KANK1: variants seen among roughly 807,000 people sequenced by gnomAD.
KANK1 encodes KN motif and ankyrin repeat domain-containing protein 1.
A neutral mutation model predicts 106.2 loss-of-function variants in KANK1; 109 were observed. The ratio of observed to expected loss-of-function variants is 1.03; its 90% CI spans 0.88 to 1.20. The LOEUF (loss-of-function observed/expected upper bound fraction) is 1.20, where lower values mean the gene tolerates loss of function less well. KANK1 is among the 50% of genes most tolerant of loss of function. KANK1 has a pLI of 0.00. For synonymous variants in KANK1, 873 were observed against 652.2 expected, an observed-to-expected ratio of 1.34 and a Z score of -5.16; for missense variants, 2,399 against 1,710.7, an observed-to-expected ratio of 1.40 and a Z score of -7.10.
intron 1 of KANK1, among the ~76,000 whole-genome samples, chr9:528,623 C>T (rs977828079): frequency 4.0e-5 from 6 of 151,534 alleles, no homozygotes; most frequent in Admixed American, 2.0e-4. Context: ...CAAGTAGCTG[C>T]GTTACAGGTG....
intron 1 of KANK1, among the ~76,000 whole-genome samples, chr9:612,768 G>C (rs1432810412): frequency 6.6e-6 from 1 of 152,130 alleles, no homozygotes; most frequent in Non-Finnish European, 1.5e-5. Context: ...GCAGTTATAT[G>C]TGAGCAATAC....
rs768444231 is a variant in KANK1 at position 711,355 on chromosome 9, C to G, written c.589C>G (p.Pro197Ala). ...AGGCATGGGCACCACAAGCTCCCTC[C>G]CTTCTTTTGTGGGTTCTGGAAACCA... ...FGGMGTTSSL[P>A]SFVGSGNHNP... Residue 197 changes from proline (P) to alanine (A), a missense_variant, in exon 3 of 12, where the codon CCT becomes GCT. Coordinates refer to ENST00000382297, the MANE Select transcript of KANK1 (RefSeq NM_015158.5). 4 of 1,614,048 alleles carry G rather than the reference C, an allele frequency of 2.5e-6. No homozygotes were observed. The African/African-American group carries it at 4.0e-5, about 16-fold the overall frequency.
rs1240819371 is a variant in KANK1 at position 608,035 on chromosome 9, T to A, written c.-83-68855T>A. Among the ~76,000 whole-genome samples the A allele has an allele frequency of 7.1e-4, 17 of 23,908 alleles. 1 individual carries two copies. The highest frequency in any genetic ancestry group is 7.0e-3 in the East Asian group (16 of 2,282). 15.7% of individuals were successfully genotyped at this position (23,908 alleles called of 152,430 possible). ...AGAATTATTATTATTATTATTATTA[T>A]TTTTTTTTTTTTTGAGACGGAGTCT... On this transcript the variant is annotated intron_variant, in intron 1 of 11. Coordinates refer to ENST00000382297, the MANE Select transcript of KANK1 (RefSeq NM_015158.5).
chr9:571,221 A>G (rs1819081716), intron 1 of KANK1, among the ~76,000 whole-genome samples: 1 of 152,168 alleles, frequency 6.6e-6, no homozygotes. Flanking sequence ...TCTCTGCAAG[A>G]AAAGGCATTG....
chr9:569,630 C>G (rs1818674803), intron 1 of KANK1, among the ~76,000 whole-genome samples: 3 of 152,142 alleles, frequency 2.0e-5, no homozygotes, highest in African/African-American at 2.4e-5. Flanking sequence ...TTCAGGTATT[C>G]TGTTATAAGC....
chr9:609,521 C>G (rs951120670), intron 1 of KANK1, among the ~76,000 whole-genome samples: 2 of 152,064 alleles, frequency 1.3e-5, no homozygotes, highest in Non-Finnish European at 2.9e-5. Context: ...CCCGGCTACT[C>G]AAAGGGCTGA....
chr9:570,736 A>C (rs967047276), intron 1 of KANK1, among the ~76,000 whole-genome samples: 1 of 152,232 alleles, frequency 6.6e-6, no homozygotes, highest in African/African-American at 2.4e-5. Flanking sequence ...GGAAATATGC[A>C]TGCTAATTAG....
intron 1 of KANK1, among the ~76,000 whole-genome samples, chr9:531,881 T>C (rs2060073535): frequency 1.3e-5 from 2 of 152,184 alleles, no homozygotes; most frequent in African/African-American, 4.8e-5. Context: ...GCCAGATTGT[T>C]GTTGTGTTAC....
chr9:741,637 A>G (rs1464930933), intron 9 of KANK1, among the ~76,000 whole-genome samples: 3 of 149,928 alleles, frequency 2.0e-5, no homozygotes, highest in Non-Finnish European at 3.0e-5. Flanking sequence ...ACAGGCGCCC[A>G]CCCCCACGTC....
chr9:598,930 C>T (rs980688821), intron 1 of KANK1, among the ~76,000 whole-genome samples: 1 of 149,772 alleles, frequency 6.7e-6, no homozygotes, highest in African/African-American at 2.5e-5. Context: ...CCATGCCCGG[C>T]CATCCCTAGG....
intron 1 of KANK1, among the ~76,000 whole-genome samples, chr9:511,090 G>A (rs897761651): frequency 1.3e-5 from 2 of 152,070 alleles, no homozygotes; most frequent in Non-Finnish European, 2.9e-5. Flanking sequence ...ACTCAATATC[G>A]ATACAAAAGG....
intron 1 of KANK1, among the ~76,000 whole-genome samples, chr9:507,348 C>G (rs1386839612): frequency 1.3e-5 from 2 of 151,944 alleles, no homozygotes; most frequent in South Asian, 2.1e-4. Context: ...GAGCAATATC[C>G]TCTCTCAAAA....
intron 1 of KANK1, among the ~76,000 whole-genome samples, chr9:666,316 T>C (rs1844564694): frequency 6.6e-6 from 1 of 152,258 alleles, no homozygotes; most frequent in African/African-American, 2.4e-5. Context: ...TGGCTTTGTA[T>C]CCTGCAGCTT....
intron 1 of KANK1, among the ~76,000 whole-genome samples, chr9:621,094 A>G (rs1833043711): frequency 6.6e-6 from 1 of 152,204 alleles, no homozygotes; most frequent in African/African-American, 2.4e-5. Context: ...TATTCAATTC[A>G]GTCTCTTCTC....
chr9:481,485 C>T (rs2058203116), intron 3 of KANK1, among the ~76,000 whole-genome samples: 1 of 152,158 alleles, frequency 6.6e-6, no homozygotes, highest in South Asian at 2.1e-4. Context: ...AACACATTAA[C>T]CTCTGTGGTA....
At chr9:647,392 T>C (rs1839911547) in intron 1 of KANK1, among the ~76,000 whole-genome samples, 2 of 151,030 alleles carry the variant, frequency 1.3e-5, no homozygotes, top group South Asian at 2.1e-4. Context: ...TTATGACATA[T>C]GAGAAATAAA....
intron 1 of KANK1, among the ~76,000 whole-genome samples, chr9:596,624 A>G (rs549554122): frequency 1.3e-5 from 2 of 151,720 alleles, no homozygotes; most frequent in Admixed American, 6.6e-5. Context: ...CACTGGTACC[A>G]CTGTCTCGTT....
intron 3 of KANK1, among the ~76,000 whole-genome samples, chr9:729,424 T>TG (rs1404881017): frequency 6.6e-6 from 1 of 151,976 alleles, no homozygotes; most frequent in African/African-American, 2.4e-5. Context: ...TGTGTGAAGA[T>TG]GGGGGAAGAA....
chr9:732,349 C>T (rs931800406), intron 5 of KANK1, 29 bp from the exon 6 acceptor site: 18 of 1,597,156 alleles, frequency 1.1e-5, no homozygotes, highest in Non-Finnish European at 1.4e-5. Context: ...GCACACCTTG[C>T]ATCTCCTGAA....
Sources: allele counts gnomAD v4.1 joint callset (sites outside exome capture counted in the v4.1 genomes callset), GRCh38; gene constraint gnomAD v4.1.1; transcripts MANE v1.5; gene names NCBI Gene and HGNC (gene_info 2026-07-23, HGNC 2026-07-21).